Variants in ITGA8 observed in about 807,000 individuals in gnomAD.
ITGA8 encodes the protein integrin alpha-8.
Under a neutral mutation model 142.3 loss-of-function variants are expected in ITGA8, and 91 were observed. That is an observed-to-expected ratio of 0.64 (90% CI 0.54 to 0.76). The LOEUF is 0.76. Ranked by LOEUF, ITGA8 falls within the 30% of genes least tolerant of loss-of-function variation. ITGA8 has a pLI of 0.00. For missense variants in ITGA8, 1,406 were observed against 1,327.7 expected, an observed-to-expected ratio of 1.06 and a Z score of -0.92; for synonymous variants, 505 against 485.2, an observed-to-expected ratio of 1.04 and a Z score of -0.54.
chr10:15,677,611 A>G lies in ITGA8; in HGVS notation c.657T>C (p.Pro219=). 1 of 1,613,566 alleles carries G rather than the reference A, an allele frequency of 6.2e-7. No homozygotes were observed. The highest frequency in any genetic ancestry group is 8.5e-7 in the Non-Finnish European group (1 of 1,179,742). ...YKNGDLIVGG[P]GSFYWQGQVI... ...ACATACCTTGCCAGTAGAAACTCCCAGGTCCTCCCACAATAAGGTCTCCAT... is the reference window on the plus strand; with the variant it reads ...ACATACCTTGCCAGTAGAAACTCCCGGGTCCTCCCACAATAAGGTCTCCAT... The change falls in exon 6 of 30, where the codon CCT becomes CCC. Residue 219 remains proline (P), a synonymous_variant. Coordinates refer to ENST00000378076, the MANE Select transcript of ITGA8 (RefSeq NM_003638.3).
In ITGA8 at chr10:15,544,315, A is replaced by C. The variant is rs562371893; in HGVS notation, c.2880+4140T>G. Reference sequence around the variant, plus strand: ...CCTGTCTCTACCAAAAAAAAACAAAACAAAACAACAACAACAACAAAACCA... The same window carrying C: ...CCTGTCTCTACCAAAAAAAAACAAACCAAAACAACAACAACAACAAAACCA... On this transcript the variant is annotated intron_variant, in intron 27 of 29. Coordinates refer to ENST00000378076, the MANE Select transcript of ITGA8 (RefSeq NM_003638.3). 1.2e-4 allele frequency among the ~76,000 whole-genome samples: 18 copies of C among 152,198 alleles called. 1 individual carries two copies. Among genetic ancestry groups the C allele is most frequent in the Non-Finnish European group, 1.2e-4 (8 of 68,010 alleles).
intron 2 of ITGA8, among the ~76,000 whole-genome samples, chr10:15,689,102 A>G (rs1834885544): frequency 6.6e-6 from 1 of 152,240 alleles, no homozygotes; most frequent in South Asian, 2.1e-4. Flanking sequence ...TAAAGATTTC[A>G]CCAAGAAACT....
chr10:15,681,153 G>A (rs770519079), intron 4 of ITGA8, among the ~76,000 whole-genome samples: 2 of 152,218 alleles, frequency 1.3e-5, no homozygotes, highest in African/African-American at 2.4e-5. Context: ...TATCAGCAGA[G>A]CGGGTTTGCG....
chr10:15,542,038 AAT>A (rs1295496961), intron 27 of ITGA8, among the ~76,000 whole-genome samples: 4 of 152,124 alleles, frequency 2.6e-5, no homozygotes, highest in Non-Finnish European at 4.4e-5. Flanking sequence ...CTTAGGGAAA[AAT>A]AGATTCCTGA....
At chr10:15,604,491 G>A (rs946246466) in intron 19 of ITGA8, 136 bp from the exon 20 acceptor site, 3 of 534,990 alleles carry the variant, frequency 5.6e-6, no homozygotes, top group Non-Finnish European at 9.2e-6. Flanking sequence ...TGAAGAGATG[G>A]TAGGAAGAGG....
chr10:15,652,110 CTG>C (rs1452091261), intron 11 of ITGA8, among the ~76,000 whole-genome samples: 16 of 152,206 alleles, frequency 1.1e-4, no homozygotes, highest in Admixed American at 9.8e-4. Context: ...TATAACAGTT[CTG>C]TGTTTGTTAC....
intron 8 of ITGA8, among the ~76,000 whole-genome samples, chr10:15,671,031 T>C (rs1461283675): frequency 2.0e-5 from 3 of 152,190 alleles, no homozygotes; most frequent in Non-Finnish European, 4.4e-5. Flanking sequence ...ATCCTAGCAC[T>C]TATCATAATT....
In ITGA8 at chr10:15,555,434, A is replaced by T. The variant is rs373974553; in HGVS notation, c.2766+2640T>A. Among the ~76,000 whole-genome samples, 3 of 152,344 alleles carry T rather than the reference A, an allele frequency of 2.0e-5. No homozygotes were observed. The East Asian group carries it at 5.8e-4, about 29-fold the overall frequency. ...TGAGAAAACAACACTGAGAAAAAAA[A>T]CATGCCACCTACCCTAATGGGCTGT... On this transcript the variant is annotated intron_variant, in intron 26 of 29. Coordinates refer to ENST00000378076, the MANE Select transcript of ITGA8 (RefSeq NM_003638.3).
rs200530763 is a variant in ITGA8 at position 15,684,106 on chromosome 10, A to G, written c.466T>C (p.Trp156Arg). ...TCTGGTGTCGGTTTAAGAGTTCTCC[A>G]GTGATATAAAGGAGCACAGGCCTAG... ...KVVACAPLYHWRTLKPTPEKD... is the reference protein window; with the variant it reads ...KVVACAPLYHRRTLKPTPEKD... The change falls in exon 4 of 30, where the codon TGG (tryptophan) becomes CGG (arginine). Residue 156 changes from tryptophan to arginine, a missense_variant. Transcript: ENST00000378076. The G allele has an allele frequency of 3.7e-6, 6 of 1,614,124 alleles. No individual in the cohort carries two copies. The highest frequency in any genetic ancestry group is 1.3e-5 in the African/African-American group (1 of 75,060).
chr10:15,650,681 C>T (rs1407592283), intron 11 of ITGA8, among the ~76,000 whole-genome samples: 1 of 151,396 alleles, frequency 6.6e-6, no homozygotes, highest in African/African-American at 2.5e-5. Flanking sequence ...AAAAAACAGG[C>T]TAAGCCATGT....
chr10:15,599,689 G>T (rs1833067724), intron 20 of ITGA8, among the ~76,000 whole-genome samples: 1 of 144,592 alleles, frequency 6.9e-6, no homozygotes, highest in South Asian at 2.4e-4. Context: ...GGGAGGCCGA[G>T]GCAGGTGGAT....
At chr10:15,593,553 G>A (rs1301889933) in intron 21 of ITGA8, among the ~76,000 whole-genome samples, 6 of 152,146 alleles carry the variant, frequency 3.9e-5, no homozygotes, top group Non-Finnish European at 7.3e-5. Flanking sequence ...AGCCACTATA[G>A]TATCAGAATC....
intron 25 of ITGA8, among the ~76,000 whole-genome samples, chr10:15,568,893 G>T (rs1168650188): frequency 6.6e-6 from 1 of 152,212 alleles, no homozygotes; most frequent in East Asian, 1.9e-4. Flanking sequence ...GAAAAATTAG[G>T]AAGTATGTGG....
chr10:15,706,500 A>G (rs368391704), intron 2 of ITGA8, among the ~76,000 whole-genome samples: 97 of 152,116 alleles, frequency 6.4e-4, no homozygotes, highest in African/African-American at 2.1e-3. Flanking sequence ...GAGTGCAGTG[A>G]CACAATTATA....
intron 27 of ITGA8, among the ~76,000 whole-genome samples, chr10:15,531,996 A>G (rs938237331): frequency 3.7e-5 from 5 of 135,952 alleles, no homozygotes; most frequent in African/African-American, 1.1e-4. Flanking sequence ...AAGACTCACA[A>G]CAGGGTTTCT....
intron 4 of ITGA8, among the ~76,000 whole-genome samples, chr10:15,681,085 A>G (rs1294268006): frequency 6.6e-6 from 1 of 152,210 alleles, no homozygotes; most frequent in Non-Finnish European, 1.5e-5. Context: ...TGAATTATGA[A>G]TGACCATGAG....
At chr10:15,592,156 G>T in intron 22 of ITGA8, 69 bp downstream of exon 22, 1 of 1,154,522 alleles carries the variant, frequency 8.7e-7, no homozygotes, top group Non-Finnish European at 1.3e-6. Flanking sequence ...CTTGACAGAT[G>T]ACATCATTTC....
At chr10:15,642,049 A>C (rs999064108) in intron 13 of ITGA8, among the ~76,000 whole-genome samples, 18 of 152,008 alleles carry the variant, frequency 1.2e-4, no homozygotes, top group African/African-American at 4.1e-4. Context: ...GACCGCTTGA[A>C]CCCAGGAGGT....
At chr10:15,706,091 G>A (rs1353867807) in intron 2 of ITGA8, among the ~76,000 whole-genome samples, 5 of 152,060 alleles carry the variant, frequency 3.3e-5, no homozygotes, top group Admixed American at 6.6e-5. Context: ...GTGCCCATTC[G>A]ACATCTGTTG....
Sources: allele counts gnomAD v4.1 joint callset (sites outside exome capture counted in the v4.1 genomes callset), GRCh38; gene constraint gnomAD v4.1.1; transcripts MANE v1.5; gene names NCBI Gene and HGNC (gene_info 2026-07-23, HGNC 2026-07-21).